CATSPERG: variants seen among roughly 807,000 people sequenced by gnomAD.
The protein encoded by CATSPERG is catsper channel auxiliary subunit gamma.
CATSPERG carries 115 observed loss-of-function variants against 145.0 expected under a neutral mutation model. That is an observed-to-expected ratio of 0.79 (90% confidence interval 0.68 to 0.93). The LOEUF (loss-of-function observed/expected upper bound fraction) is 0.93, where lower values mean the gene tolerates loss of function less well. Among genes scored for constraint, CATSPERG ranks in the 40% least tolerant of loss-of-function variants. CATSPERG has a pLI of 0.00. For synonymous variants in CATSPERG, 588 were observed against 589.0 expected (o/e 1.00, Z 0.02); for missense variants, 1,296 against 1,490.1 (o/e 0.87, Z 2.14).
At position 38,361,735 on chromosome 19, in the gene CATSPERG, C is replaced by A; in HGVS notation, c.1968C>A (p.Arg656=). The A allele has an allele frequency of 6.2e-7, 1 of 1,613,244 alleles. No homozygotes were observed. The highest frequency in any genetic ancestry group is 8.5e-7 in the Non-Finnish European group (1 of 1,179,810). Reference sequence around the variant, plus strand: ...TGCCCAGTCCGCAGAGATACACGCGCCAGGAGCGCTACCGGGCGCGGCCGC... The same window carrying A: ...TGCCCAGTCCGCAGAGATACACGCGACAGGAGCGCTACCGGGCGCGGCCGC... ...RSLPSPQRYT[R]QERYRARPPR... Residue 656 remains arginine, a synonymous_variant, in exon 17 of 29, where the codon CGC becomes CGA. Transcript: ENST00000409235.
At chr19:38,350,367 C>CG (rs781774578) in intron 7 of CATSPERG, among the ~76,000 whole-genome samples, 11 of 152,208 alleles carry the variant, frequency 7.2e-5, no homozygotes, top group South Asian at 4.2e-4. Context: ...CCACATTCCT[C>CG]TGTTTTTTGT....
chr19:38,348,566 C>G (rs148502674), intron 7 of CATSPERG, among the ~76,000 whole-genome samples: 1 of 150,628 alleles, frequency 6.6e-6, no homozygotes, highest in South Asian at 2.1e-4. Context: ...CTCCACCCCC[C>G]GGGTTCAAGT....
intron 1 of CATSPERG, 200 bp downstream of exon 1, chr19:38,336,075 G>T (rs1969829134): frequency 2.5e-6 from 1 of 401,970 alleles, no homozygotes. Context: ...AGGGGGAGCC[G>T]AACGTGAAGG....
At chr19:38,351,547 G>A (rs547190265) in intron 7 of CATSPERG, among the ~76,000 whole-genome samples, 48 of 151,806 alleles carry the variant, frequency 3.2e-4, no homozygotes, top group African/African-American at 1.1e-3. Context: ...GGCGGAGCTT[G>A]CAGTGAGCCA....
rs188362564 is a variant in CATSPERG, at chr19:38,369,731, A to G, written c.3021-241A>G. 701 of 562,706 alleles carry G rather than the reference A, an allele frequency of 1.2e-3. 4 individuals are homozygous for G. The highest frequency in any genetic ancestry group is 0.012 in the African/African-American group (619 of 53,376). The allele number at this position is 562,706 out of a possible 1,614,324, so 34.9% of individuals were successfully genotyped here. A position where few individuals can be genotyped will look rare whatever the true frequency, so the allele number is the denominator to read the frequency against. ...CAGCCTGTAATCTGGATGGATGCACAGTGACAGAGGAATTGACAGATGGAG... is the reference window on the plus strand; with the variant it reads ...CAGCCTGTAATCTGGATGGATGCACGGTGACAGAGGAATTGACAGATGGAG... On this transcript the variant is annotated intron_variant, in intron 26 of 28. Coordinates refer to ENST00000409235, the MANE Select transcript of CATSPERG (RefSeq NM_021185.5).
At chr19:38,364,650 C>T (rs1406017597) in intron 20 of CATSPERG, among the ~76,000 whole-genome samples, 1 of 152,252 alleles carries the variant, frequency 6.6e-6, no homozygotes, top group African/African-American at 2.4e-5. Context: ...CTGAGTGAAC[C>T]AGACTCCGTC....
rs1969867497 is a variant in CATSPERG, at chr19:38,337,759, C to T, written c.324+113C>T. 4 of 999,368 alleles carry T rather than the reference C, an allele frequency of 4.0e-6. No individual in the cohort carries two copies. The South Asian group carries it at 7.0e-5, about 17-fold the overall frequency. The allele number at this position is 999,368 out of a possible 1,614,324, so 61.9% of individuals were successfully genotyped here. A position where few individuals can be genotyped will look rare whatever the true frequency, so the allele number is the denominator to read the frequency against. ...TTTGAGACGGAGTCTTGCGCTGTTG[C>T]CCAGACTGGAGTGCAGTGGCGCGAT... On this transcript the variant is annotated intron_variant, in intron 3 of 28. Transcript: ENST00000409235.
chr19:38,352,137 C>T lies in CATSPERG; in HGVS notation c.826-124C>T, dbSNP rs970753032. The T allele has an allele frequency of 7.1e-5, 65 of 915,990 alleles. 1 individual carries two copies. Among genetic ancestry groups the T allele is most frequent in the South Asian group, 4.6e-4 (28 of 61,370 alleles). The allele number at this position is 915,990 out of a possible 1,614,324, so 56.7% of individuals were successfully genotyped here. A position where few individuals can be genotyped will look rare whatever the true frequency, so the allele number is the denominator to read the frequency against. ...GCTGCTGCGGGGTGAGCAGGGAGAG[C>T]GCCCTGGGGCAGCTACATGTGTCCC... On this transcript the variant is annotated intron_variant, in intron 7 of 28. Coordinates refer to ENST00000409235, the MANE Select transcript of CATSPERG (RefSeq NM_021185.5).
At position 38,335,834 on chromosome 19, in the gene CATSPERG, G is replaced by A. The variant is rs138401059; in HGVS notation, c.-56G>A. On this transcript the variant is annotated 5_prime_UTR_variant, in exon 1 of 29. In the 5' UTR this introduces an upstream ATG that the reference lacks. Transcript: ENST00000409235. ...AGACCGGGCAAGAGGGGCGGGACTG[G>A]TGCGGCCGAGTGACAGTTGACCGGT... The A allele has an allele frequency of 2.8e-4, 61 of 215,070 alleles. No individual in the cohort carries two copies. Among genetic ancestry groups the A allele is most frequent in the African/African-American group, 1.2e-3 (53 of 42,642 alleles). The allele number at this position is 215,070 out of a possible 1,614,324, so 13.3% of individuals were successfully genotyped here.
At position 38,370,269 on chromosome 19, in the gene CATSPERG, G is replaced by A; in HGVS notation, c.3213+11G>A. On this transcript the variant is annotated intron_variant, in intron 28 of 28. Transcript: ENST00000409235. ...CTTTTCATCATCATGGTGAGTGGCTGTCCGGGAGCTGCCCTACTGGGTGGG... is the reference window on the plus strand; with the variant it reads ...CTTTTCATCATCATGGTGAGTGGCTATCCGGGAGCTGCCCTACTGGGTGGG... 1 of 1,611,282 alleles carries A rather than the reference G, an allele frequency of 6.2e-7. No homozygotes were observed. The highest frequency in any genetic ancestry group is 8.5e-7 in the Non-Finnish European group (1 of 1,179,142).
Position 38,362,045 on chromosome 19 carries a change from G to T in CATSPERG, c.2095-165G>T, listed in dbSNP as rs1413190901. The T allele has an allele frequency of 5.3e-6, 5 of 943,862 alleles. No homozygotes were observed. In the East Asian group the frequency reaches 1.3e-4, roughly 25 times the overall value. The allele number at this position is 943,862 out of a possible 1,614,324, so 58.5% of individuals were successfully genotyped here. A position where few individuals can be genotyped will look rare whatever the true frequency, so the allele number is the denominator to read the frequency against. On this transcript the variant is annotated intron_variant, in intron 17 of 28. Coordinates refer to ENST00000409235, the MANE Select transcript of CATSPERG (RefSeq NM_021185.5). ...GGACTTCCAGGGGAAGGCGTTGGGG[G>T]TGTGGCCGGGTTGAAAGCAGGGTTT...
Position 38,364,837 on chromosome 19 carries a change from T to C in CATSPERG, c.2476-54T>C, listed in dbSNP as rs1970420255. 2.9e-6 allele frequency: 4 copies of C among 1,386,848 alleles called. No homozygotes were observed. In the South Asian group the frequency reaches 3.5e-5, roughly 12 times the overall value. The allele number at this position is 1,386,848 out of a possible 1,614,324, so 85.9% of individuals were successfully genotyped here. A position where few individuals can be genotyped will look rare whatever the true frequency, so the allele number is the denominator to read the frequency against. On this transcript the variant is annotated intron_variant, in intron 20 of 28. Transcript: ENST00000409235. ...GGTTATTTGAACTGTTTGTTGGACT[T>C]TGGGGAGACCTGTTCACCCCTTCAT...
At chr19:38,340,417 T>C (rs1969917743) in intron 3 of CATSPERG, among the ~76,000 whole-genome samples, 1 of 148,576 alleles carries the variant, frequency 6.7e-6, no homozygotes, top group Non-Finnish European at 1.5e-5. Flanking sequence ...ACATTCTGGG[T>C]TCAAGCGATT....
Position 38,337,276 on chromosome 19 carries a change from C to T in CATSPERG, c.42C>T (p.Pro14=). ...TGTTCCCTGCCGGTCCTCCGTGGCC[C>T]AGAGTCCGAGTCGTGCAGGTGCTGT... ...PAMFPAGPPW[P]RVRVVQVLWA... The change falls in exon 2 of 29, where the codon CCC becomes CCT. Residue 14 remains proline, a synonymous_variant. Transcript: ENST00000409235. 1.3e-6 allele frequency: 2 copies of T among 1,551,512 alleles called. No individual in the cohort carries two copies. The highest frequency in any genetic ancestry group is 1.7e-6 in the Non-Finnish European group (2 of 1,147,016).
At chr19:38,364,188 G>A (rs1324359399) in intron 20 of CATSPERG, among the ~76,000 whole-genome samples, 2 of 151,708 alleles carry the variant, frequency 1.3e-5, no homozygotes, top group Non-Finnish European at 2.9e-5. Context: ...GGGCGGAGAC[G>A]CTCCTCACTT....
chr19:38,362,916 T>G, intron 20 of CATSPERG, 84 bp downstream of exon 20: 1 of 954,392 alleles, frequency 1.0e-6, no homozygotes, highest in Admixed American at 2.3e-5. Context: ...TCTTGCTCTG[T>G]CGCTCAGGCT....
chr19:38,359,930 G>T, intron 14 of CATSPERG: 1 of 1,032,900 alleles, frequency 9.7e-7, no homozygotes, highest in South Asian at 3.7e-5. Context: ...ACCTATGGAA[G>T]CAGGGGGACC....
chr19:38,337,428 T>G lies in CATSPERG; in HGVS notation c.194T>G (p.Phe65Cys). The change falls in exon 2 of 29, where the codon TTC becomes TGC. Residue 65 changes from phenylalanine to cysteine, a missense_variant. Physicochemically the swap from Phe to Cys is radical, Grantham distance 205 (BLOSUM62 -2). Coordinates refer to ENST00000409235, the MANE Select transcript of CATSPERG (RefSeq NM_021185.5). The part of the protein sequence containing the change: ...RVGESGVSDS[F>C]FEQEPVDTVS... ...GGCGAGAGTGGTGTGAGCGACAGCT[T>G]CTTTGAGCAAGAGCCCGTGGACACA... is the stretch of plus-strand genomic sequence containing the variant. The G allele has an allele frequency of 6.4e-7, 1 of 1,551,980 alleles. No homozygotes were observed.
At chr19:38,370,281 C>T (rs1478875705) in intron 28 of CATSPERG, 23 bp downstream of exon 28, 2 of 1,606,802 alleles carry the variant, frequency 1.2e-6, no homozygotes, top group African/African-American at 2.7e-5. Flanking sequence ...CCGGGAGCTG[C>T]CCTACTGGGT....
Sources: gnomAD v4.1 joint callset for allele counts (sites outside exome capture counted in the v4.1 genomes callset) on GRCh38, gnomAD v4.1.1 for gene constraint, MANE v1.5 for transcripts, NCBI Gene and HGNC (gene_info 2026-07-23, HGNC 2026-07-21) for gene names.